The following COX15 variants were observed in gnomAD, a reference collection of about 807,000 sequenced individuals.
COX15 encodes heme A synthase COX15.
In COX15, 51 loss-of-function variants were observed where a neutral mutation model predicts 51.9. The observed-to-expected ratio is 0.98, with a 90% CI of 0.78 to 1.24. The LOEUF (loss-of-function observed/expected upper bound fraction) is 1.24, where lower values mean the gene tolerates loss of function less well. Among genes scored for constraint, COX15 ranks in the 50% most tolerant of loss-of-function variants. The probability of loss-of-function intolerance (pLI) is 0.00; values close to 1 mark genes in which losing one functional copy is unlikely to be tolerated. For synonymous variants in COX15, 188 were observed against 190.5 expected (o/e 0.99, Z 0.11); for missense variants, 420 against 501.1 (o/e 0.84, Z 1.55).
At chr10:99,715,153 T>C (rs2036526154) in intron 8 of COX15, among the ~76,000 whole-genome samples, 1 of 152,186 alleles carries the variant, frequency 6.6e-6, no homozygotes, top group Admixed American at 6.5e-5. Context: ...TTTGTTTTGT[T>C]TTGAGACAGA....
chr10:99,711,838 T>C lies in COX15; in HGVS notation c.*2749A>G. ...GGCTTGCATTGCTATAAGGAAATACTGACAATTTTTAGAAAGAAAAGAGGT... is the reference window on the plus strand; with the variant it reads ...GGCTTGCATTGCTATAAGGAAATACCGACAATTTTTAGAAAGAAAAGAGGT... On this transcript the variant is annotated 3_prime_UTR_variant, in exon 9 of 9. Coordinates refer to ENST00000016171, the MANE Select transcript of COX15 (RefSeq NM_078470.6). 1 of 984,200 alleles carries C rather than the reference T, an allele frequency of 1.0e-6. No homozygotes were observed. Among genetic ancestry groups the C allele is most frequent in the Non-Finnish European group, 1.2e-6 (1 of 828,828 alleles). The allele number at this position is 984,200 out of a possible 1,614,324, so 61.0% of individuals were successfully genotyped here. A position where few individuals can be genotyped will look rare whatever the true frequency, so the allele number is the denominator to read the frequency against.
At chr10:99,701,173 TC>T in the COX15 span, 1 of 977,948 alleles carries the variant, frequency 1.0e-6, no homozygotes, top group South Asian at 1.5e-5. Context: ...ATTTGATTAT[TC>T]CAGACTTGAT....
chr10:99,719,325 T>G (rs1668393516), intron 6 of COX15, among the ~76,000 whole-genome samples: 1 of 151,594 alleles, frequency 6.6e-6, no homozygotes, highest in African/African-American at 2.4e-5. Context: ...GTTCATGCAA[T>G]TCTTCTGCCT....
Position 99,712,674 on chromosome 10 carries a change from C to G in COX15, c.*1913G>C. 3.2e-6 allele frequency: 3 copies of G among 938,108 alleles called. No homozygotes were observed. Among genetic ancestry groups the G allele is most frequent in the South Asian group, 4.9e-5 (1 of 20,302 alleles). The allele number at this position is 938,108 out of a possible 1,614,324, so 58.1% of individuals were successfully genotyped here. A position where few individuals can be genotyped will look rare whatever the true frequency, so the allele number is the denominator to read the frequency against. On this transcript the variant is annotated 3_prime_UTR_variant, in exon 9 of 9. Coordinates refer to ENST00000016171, the MANE Select transcript of COX15 (RefSeq NM_078470.6). Reference sequence around the variant, plus strand: ...CCCAGAAGATCTAACAACCCTGGACCTGTAGAGTGGCAGCAACAGACCAGA... The same window carrying G: ...CCCAGAAGATCTAACAACCCTGGACGTGTAGAGTGGCAGCAACAGACCAGA...
chr10:99,727,664 A>G, intron 2 of COX15, 101 bp from the exon 3 acceptor site: 1 of 1,362,404 alleles, frequency 7.3e-7, no homozygotes, highest in Non-Finnish European at 1.0e-6. Context: ...TGTTAAAGGT[A>G]AACACATTGT....
chr10:99,722,495 GATGAATTCATTTTAGAAGTCTGAATTAAA>G (rs2036806240), intron 5 of COX15, among the ~76,000 whole-genome samples: 7 of 152,104 alleles, frequency 4.6e-5, no homozygotes. Context: ...AATTCATTAA[GATGAATTCATTTTAGAAGTCTGAATTAAA>G]ATGAATTCAT....
rs143488483 is a variant in COX15 at position 99,725,066 on chromosome 10, A to G, written c.583-943T>C. Among the ~76,000 whole-genome samples the G allele has an allele frequency of 1.6e-3, 237 of 152,344 alleles. 2 individuals carry two copies. The highest frequency in any genetic ancestry group is 0.014 in the Admixed American group (207 of 15,298). On this transcript the variant is annotated intron_variant, in intron 4 of 8. Coordinates refer to ENST00000016171, the MANE Select transcript of COX15 (RefSeq NM_078470.6). ...TAATGAACGTACAGATTTAAGTTTAAAAGTTTATGTTATGTATCATATTCT... is the reference window on the plus strand; with the variant it reads ...TAATGAACGTACAGATTTAAGTTTAGAAGTTTATGTTATGTATCATATTCT...
At chr10:99,728,580 GA>G in intron 2 of COX15, among the ~76,000 whole-genome samples, 1 of 152,320 alleles carries the variant, frequency 6.6e-6, no homozygotes, top group South Asian at 2.1e-4. Flanking sequence ...TGAAATAATG[GA>G]TCTAGGCAAT....
At position 99,732,060 on chromosome 10, in the gene COX15, G is replaced by C. The variant is rs554435677; in HGVS notation, c.-11C>G. Reference sequence around the variant, plus strand: ...GAGCAATCGCTGCATACTGATGACAGGGAACAGCCACCTCTTCCACAACCC... The same window carrying C: ...GAGCAATCGCTGCATACTGATGACACGGAACAGCCACCTCTTCCACAACCC... On this transcript the variant is annotated 5_prime_UTR_variant, in exon 1 of 9. Coordinates refer to ENST00000016171, the MANE Select transcript of COX15 (RefSeq NM_078470.6). 2.0e-5 allele frequency: 33 copies of C among 1,610,958 alleles called. No individual in the cohort carries two copies. The highest frequency in any genetic ancestry group is 3.4e-5 in the Admixed American group (2 of 59,588).
rs778282822 is a variant in COX15 at position 99,732,090 on chromosome 10, C to A, written c.-41G>T. On this transcript the variant is annotated 5_prime_UTR_variant, in exon 1 of 9. Coordinates refer to ENST00000016171, the MANE Select transcript of COX15 (RefSeq NM_078470.6). Reference sequence around the variant, plus strand: ...CAGCCACCTCTTCCACAACCCAGGGCTCTGTGGTCTCCCTCCTCCGCCAAG... The same window carrying A: ...CAGCCACCTCTTCCACAACCCAGGGATCTGTGGTCTCCCTCCTCCGCCAAG... 5 of 1,595,082 alleles carry A rather than the reference C, an allele frequency of 3.1e-6. No individual in the cohort carries two copies. Among genetic ancestry groups the A allele is most frequent in the Non-Finnish European group, 4.3e-6 (5 of 1,170,538 alleles).
Position 99,711,680 on chromosome 10 carries a change from CT to C in COX15, c.*2906del. ...TAATTGGTCTTAGATGAGGCTTGGG[CT>C]TTGGGATTTTTCTAAGATTCAAATA... On this transcript the variant is annotated 3_prime_UTR_variant, in exon 9 of 9. Coordinates refer to ENST00000016171, the MANE Select transcript of COX15 (RefSeq NM_078470.6). 1.0e-6 allele frequency: 1 copy of C among 985,282 alleles called. No individual in the cohort carries two copies. The highest frequency in any genetic ancestry group is 1.2e-6 in the Non-Finnish European group (1 of 829,916). 61.0% of individuals were successfully genotyped at this position (985,282 alleles called of 1,614,324 possible).
intron 7 of COX15, among the ~76,000 whole-genome samples, chr10:99,717,653 G>A (rs1472518440): frequency 6.6e-6 from 1 of 152,150 alleles, no homozygotes; most frequent in Non-Finnish European, 1.5e-5. Context: ...CTCCCAAAGT[G>A]CTAGGATTAT....
chr10:99,721,034 C>A lies in COX15; in HGVS notation c.785G>T (p.Arg262Leu). 6.2e-7 allele frequency: 1 copy of A among 1,613,634 alleles called. No individual in the cohort carries two copies. The highest frequency in any genetic ancestry group is 8.5e-7 in the Non-Finnish European group (1 of 1,179,898). The change falls in exon 6 of 9, where the codon CGA becomes CTA. Residue 262 changes from arginine (R) to leucine (L), a missense_variant. Physicochemically the swap from Arg to Leu is moderately radical, Grantham distance 102 (BLOSUM62 -2). Transcript: ENST00000016171. ...PETHQLLQLR[R>L]FAHGTAGLVF... ...CAGACCTGCTGTTCCATGAGCAAAT[C>A]GTCTCAACTGTAGGAGTTGGTGGGT...
downstream of COX15, among the ~76,000 whole-genome samples, chr10:99,707,770 A>G (rs1213975386): frequency 6.6e-6 from 1 of 152,242 alleles, no homozygotes; most frequent in African/African-American, 2.4e-5. Flanking sequence ...CATAGAACAT[A>G]ATGAAAAATA....
Position 99,714,356 on chromosome 10 carries a change from A to C in COX15, c.*231T>G. On this transcript the variant is annotated 3_prime_UTR_variant, in exon 9 of 9. Transcript: ENST00000016171. ...GCAGACATTTCTTTCTCTACATTAA[A>C]ACTGATTTTCAACATGAAAAGCAGA... 1.5e-6 allele frequency: 2 copies of C among 1,332,576 alleles called. No homozygotes were observed. Among genetic ancestry groups the C allele is most frequent in the Non-Finnish European group, 1.9e-6 (2 of 1,036,628 alleles). 82.5% of individuals were successfully genotyped at this position (1,332,576 alleles called of 1,614,324 possible). A position where few individuals can be genotyped will look rare whatever the true frequency, so the allele number is the denominator to read the frequency against.
At chr10:99,719,493 C>CT (rs1370315454) in intron 6 of COX15, among the ~76,000 whole-genome samples, 1 of 151,814 alleles carries the variant, frequency 6.6e-6, no homozygotes, top group Non-Finnish European at 1.5e-5. Flanking sequence ...CATGCCTGGC[C>CT]TTTTTTTCTT....
In COX15 at chr10:99,714,263, C is replaced by A; in HGVS notation, c.*324G>T. Reference sequence around the variant, plus strand: ...CTCAGGAGAACATCCACGTAGAAATCATCCACGTAGAACCAAGAGCTTGCC... The same window carrying A: ...CTCAGGAGAACATCCACGTAGAAATAATCCACGTAGAACCAAGAGCTTGCC... On this transcript the variant is annotated 3_prime_UTR_variant, in exon 9 of 9. Transcript: ENST00000016171. The A allele has an allele frequency of 8.5e-7, 1 of 1,176,232 alleles. No homozygotes were observed. The highest frequency in any genetic ancestry group is 1.1e-6 in the Non-Finnish European group (1 of 938,352). 72.9% of individuals were successfully genotyped at this position (1,176,232 alleles called of 1,614,324 possible).
intron 6 of COX15, among the ~76,000 whole-genome samples, chr10:99,720,259 A>G (rs2036717487): frequency 6.6e-6 from 1 of 152,186 alleles, no homozygotes. Context: ...AGCCTGGCCA[A>G]CATGGTGAAA....
At chr10:99,715,191 G>A (rs2036526853) in intron 8 of COX15, among the ~76,000 whole-genome samples, 1 of 152,094 alleles carries the variant, frequency 6.6e-6, no homozygotes, top group Non-Finnish European at 1.5e-5. Context: ...AGGCTGGAGT[G>A]CAATGGCATG....
Sources: gnomAD v4.1 joint callset for allele counts (sites outside exome capture counted in the v4.1 genomes callset) on GRCh38, gnomAD v4.1.1 for gene constraint, MANE v1.5 for transcripts, NCBI Gene and HGNC (gene_info 2026-07-23, HGNC 2026-07-21) for gene names.